WWOX: variants seen among roughly 807,000 people sequenced by gnomAD.
WWOX encodes the protein WW domain containing oxidoreductase.
A neutral mutation model predicts 46.2 loss-of-function variants in WWOX; 69 were observed. The ratio of observed to expected loss-of-function variants is 1.49; its 90% CI spans 1.23 to 1.82. The LOEUF is 1.82. WWOX is among the 40% of genes most tolerant of loss of function. The probability of loss-of-function intolerance (pLI) is 0.00; values close to 1 mark genes in which losing one functional copy is unlikely to be tolerated. For missense variants in WWOX, 919 were observed against 542.6 expected (o/e 1.69, Z -6.89); for synonymous variants, 359 against 202.6 (o/e 1.77, Z -6.56).
intron 8 of WWOX, among the ~76,000 whole-genome samples, chr16:78,533,362 A>C (rs2043673059): frequency 6.6e-6 from 1 of 152,090 alleles, no homozygotes; most frequent in Admixed American, 6.6e-5. Context: ...CCACATTGGA[A>C]GAAAAAGAAT....
At chr16:78,595,032 G>C (rs1017286529) in intron 8 of WWOX, among the ~76,000 whole-genome samples, 2 of 152,186 alleles carry the variant, frequency 1.3e-5, no homozygotes, top group African/African-American at 4.8e-5. Context: ...AGAGTGGTTT[G>C]GGAAAGCACT....
chr16:78,796,411 T>A (rs1012462612), intron 8 of WWOX, among the ~76,000 whole-genome samples: 1 of 152,144 alleles, frequency 6.6e-6, no homozygotes, highest in Non-Finnish European at 1.5e-5. Flanking sequence ...AGCAGTGAGG[T>A]CACTTCCACC....
At chr16:78,160,667 A>G (rs1307402621) in intron 4 of WWOX, among the ~76,000 whole-genome samples, 1 of 152,158 alleles carries the variant, frequency 6.6e-6, no homozygotes, top group African/African-American at 2.4e-5. Flanking sequence ...ATACTTTCTA[A>G]TTTTAATCTT....
At chr16:78,849,790 G>C (rs112941541) in intron 8 of WWOX, among the ~76,000 whole-genome samples, 1,660 of 150,862 alleles carry the variant, frequency 0.011, 18 homozygotes, top group Middle Eastern at 0.031. Flanking sequence ...GTGATAGGCT[G>C]GGCTGGGCGT....
At chr16:79,006,067 C>T (rs1376941157) in intron 8 of WWOX, among the ~76,000 whole-genome samples, 4 of 152,192 alleles carry the variant, frequency 2.6e-5, no homozygotes, top group Non-Finnish European at 4.4e-5. Context: ...CCCATATCAA[C>T]AAGGCATGGT....
intron 8 of WWOX, among the ~76,000 whole-genome samples, chr16:78,991,602 A>AAAAAAAAC: frequency 6.6e-6 from 1 of 150,418 alleles, no homozygotes; most frequent in African/African-American, 2.4e-5. Flanking sequence ...CCTTGTCTCA[A>AAAAAAAAC]AAAAAAAAAA....
chr16:78,261,788 C>CTATATATATATATATATATATA (rs71384369), intron 5 of WWOX, among the ~76,000 whole-genome samples: 1 of 73,730 alleles, frequency 1.4e-5, no homozygotes, highest in African/African-American at 5.7e-5. Context: ...ATCTATCTAT[C>CTATATATATATATATATATATA]TATATATATA....
At chr16:78,950,713 C>G (rs1221098750) in intron 8 of WWOX, among the ~76,000 whole-genome samples, 1 of 152,136 alleles carries the variant, frequency 6.6e-6, no homozygotes, top group East Asian at 1.9e-4. Flanking sequence ...AATGGTTTCT[C>G]TTAGACACTC....
intron 8 of WWOX, among the ~76,000 whole-genome samples, chr16:79,143,983 C>G (rs2050138248): frequency 6.6e-6 from 1 of 152,154 alleles, no homozygotes; most frequent in South Asian, 2.1e-4. Flanking sequence ...TAGCTCACTG[C>G]AATCTTGAAC....
intron 8 of WWOX, among the ~76,000 whole-genome samples, chr16:78,728,192 G>A (rs962248017): frequency 2.0e-5 from 3 of 150,198 alleles, no homozygotes; most frequent in Non-Finnish European, 4.4e-5. Flanking sequence ...AGCCTCCTGA[G>A]TAGCTGTGAC....
intron 7 of WWOX, among the ~76,000 whole-genome samples, chr16:78,427,234 C>A (rs1021373622): frequency 1.3e-5 from 2 of 152,144 alleles, no homozygotes; most frequent in African/African-American, 4.8e-5. Context: ...AAAGAAAGTC[C>A]TATGTTTGCA....
At chr16:78,427,012 C>G (rs531163767) in intron 7 of WWOX, among the ~76,000 whole-genome samples, 5 of 152,204 alleles carry the variant, frequency 3.3e-5, no homozygotes, top group Non-Finnish European at 7.3e-5. Flanking sequence ...TTTCCCCAGG[C>G]TGGCTTGTGT....
intron 8 of WWOX, among the ~76,000 whole-genome samples, chr16:78,726,693 A>T (rs1219654364): frequency 6.7e-6 from 1 of 149,262 alleles, no homozygotes; most frequent in African/African-American, 2.5e-5. Flanking sequence ...CCCTAGGGTT[A>T]GTTGGTTGGT....
intron 8 of WWOX, among the ~76,000 whole-genome samples, chr16:78,441,521 A>G (rs571819899): frequency 4.7e-4 from 72 of 152,260 alleles, no homozygotes; most frequent in African/African-American, 1.7e-3. Context: ...GTCAAATGAC[A>G]TGTAAGGGAC....
chr16:79,183,409 G>A (rs1455036131), intron 8 of WWOX, among the ~76,000 whole-genome samples: 1 of 152,210 alleles, frequency 6.6e-6, no homozygotes, highest in Non-Finnish European at 1.5e-5. Context: ...TAGCGCAGAT[G>A]ACGTTCAGAA....
At chr16:78,998,551 T>G (rs1490584452) in intron 8 of WWOX, among the ~76,000 whole-genome samples, 1 of 152,214 alleles carries the variant, frequency 6.6e-6, no homozygotes, top group Non-Finnish European at 1.5e-5. Context: ...CTACCACCTA[T>G]GATCTGGGAG....
intron 6 of WWOX, among the ~76,000 whole-genome samples, chr16:78,389,601 A>G (rs1397706390): frequency 6.6e-6 from 1 of 152,170 alleles, no homozygotes. Context: ...AGTAGATGCT[A>G]TTAATATCTC....
chr16:78,356,472 A>T (rs1382629875), intron 5 of WWOX, among the ~76,000 whole-genome samples: 1 of 152,146 alleles, frequency 6.6e-6, no homozygotes, highest in East Asian at 1.9e-4. Flanking sequence ...GATATGACAC[A>T]TCTCTAGTTT....
chr16:78,763,475 G>C lies in WWOX; in HGVS notation c.1056+330723G>C, dbSNP rs543535865. 4.5e-4 allele frequency among the ~76,000 whole-genome samples: 68 copies of C among 152,252 alleles called. No individual in the cohort carries two copies. The South Asian group carries it at 0.013, about 29-fold the overall frequency. On this transcript the variant is annotated intron_variant, in intron 8 of 8. Coordinates refer to ENST00000566780, the MANE Select transcript of WWOX (RefSeq NM_016373.4). ...AGTCCAAAAAGACATTGGCTCTTTG[G>C]GATAGAGGCACTTTTTGGGGGAGAG...
Sources: gnomAD v4.1 joint callset for allele counts (sites outside exome capture counted in the v4.1 genomes callset) on GRCh38, gnomAD v4.1.1 for gene constraint, MANE v1.5 for transcripts, NCBI Gene and HGNC (gene_info 2026-07-23, HGNC 2026-07-21) for gene names.